The following DACH1 variants were observed in gnomAD, a reference collection of about 807,000 sequenced individuals.
The protein encoded by DACH1 is dachshund family transcription factor 1.
DACH1 carries 12 observed loss-of-function variants against 54.2 expected under a neutral mutation model. The observed-to-expected ratio is 0.22, with a 90% CI of 0.14 to 0.36. The LOEUF is 0.36. Among genes scored for constraint, DACH1 ranks in the 10% least tolerant of loss-of-function variants. The pLI, the probability that DACH1 is intolerant of heterozygous loss-of-function variation, is 1.00. For synonymous variants in DACH1, 386 were observed against 366.2 expected (o/e 1.05, Z -0.62); for missense variants, 805 against 929.8 (o/e 0.87, Z 1.75).
At chr13:71,550,826 T>C (rs1883765430) in intron 6 of DACH1, among the ~76,000 whole-genome samples, 1 of 152,046 alleles carries the variant, frequency 6.6e-6, no homozygotes, top group Non-Finnish European at 1.5e-5. Context: ...TTTCGAGGCA[T>C]GGAAACTGAG....
At chr13:71,496,261 G>GTATATATATATATA (rs35142229) in intron 6 of DACH1, among the ~76,000 whole-genome samples, 8 of 37,146 alleles carry the variant, frequency 2.2e-4, no homozygotes, top group African/African-American at 3.8e-4. Context: ...AAATTGCTAT[G>GTATATATATATATA]TATATATATA....
intron 1 of DACH1, among the ~76,000 whole-genome samples, chr13:71,733,509 T>C (rs1291503959): frequency 6.6e-6 from 1 of 152,146 alleles, no homozygotes; most frequent in Non-Finnish European, 1.5e-5. Context: ...TATTTATTCT[T>C]CGGACCCACT....
chr13:71,785,575 C>G (rs984809735), intron 1 of DACH1, among the ~76,000 whole-genome samples: 10 of 152,122 alleles, frequency 6.6e-5, no homozygotes, highest in Non-Finnish European at 1.3e-4. Context: ...ACTCTTGTAT[C>G]AAGGAGATGT....
intron 6 of DACH1, among the ~76,000 whole-genome samples, chr13:71,546,966 A>C (rs915361086): frequency 6.6e-6 from 1 of 152,040 alleles, no homozygotes; most frequent in Non-Finnish European, 1.5e-5. Context: ...CTCGCTCTAC[A>C]ATCTCTTCTT....
chr13:71,648,789 TA>T (rs879510040), intron 2 of DACH1, among the ~76,000 whole-genome samples: 3 of 152,046 alleles, frequency 2.0e-5, no homozygotes, highest in Non-Finnish European at 4.4e-5. Context: ...AAAGGTATGG[TA>T]TAGAGGTGTT....
intron 1 of DACH1, among the ~76,000 whole-genome samples, chr13:71,803,944 T>A (rs932688863): frequency 6.6e-6 from 1 of 152,126 alleles, no homozygotes; most frequent in African/African-American, 2.4e-5. Context: ...TAAACCACTA[T>A]GAAATATAAT....
intron 1 of DACH1, among the ~76,000 whole-genome samples, chr13:71,741,651 CTTA>C (rs1884393422): frequency 6.6e-6 from 1 of 151,958 alleles, no homozygotes; most frequent in African/African-American, 2.4e-5. Context: ...TAATTTAACT[CTTA>C]TTAACTTATT....
chr13:71,505,735 C>T (rs1880261411), intron 6 of DACH1, among the ~76,000 whole-genome samples: 1 of 152,092 alleles, frequency 6.6e-6, no homozygotes, highest in Admixed American at 6.6e-5. Context: ...TATTCCTTCT[C>T]ATATACTAAG....
At chr13:71,440,875 G>A (rs1873953132) in intron 10 of DACH1, among the ~76,000 whole-genome samples, 183 bp from the exon 11 acceptor site, 1 of 151,932 alleles carries the variant, frequency 6.6e-6, no homozygotes, top group East Asian at 1.9e-4. Flanking sequence ...GAGTTTATGT[G>A]ACTGAAAAGA....
chr13:71,475,079 C>T, intron 10 of DACH1, 62 bp downstream of exon 10: 1 of 1,482,910 alleles, frequency 6.7e-7, no homozygotes, highest in Non-Finnish European at 9.4e-7. Context: ...GAATAGCAGG[C>T]TAAAGCTGAG....
At chr13:71,844,837 G>A (rs1440188492) in intron 1 of DACH1, among the ~76,000 whole-genome samples, 1 of 152,070 alleles carries the variant, frequency 6.6e-6, no homozygotes, top group Non-Finnish European at 1.5e-5. Context: ...AGTACATTAT[G>A]TTAAATGTAG....
intron 3 of DACH1, 134 bp downstream of exon 3, chr13:71,630,422 T>A: frequency 7.4e-7 from 1 of 1,356,900 alleles, no homozygotes; most frequent in African/African-American, 1.5e-5. Flanking sequence ...AATGGTATCC[T>A]CAAACATACA....
At chr13:71,488,846 A>T in intron 7 of DACH1, 151 bp downstream of exon 7, 1 of 516,298 alleles carries the variant, frequency 1.9e-6, no homozygotes. Context: ...TGATTAGTGT[A>T]ACAGGTTTAA....
intron 1 of DACH1, among the ~76,000 whole-genome samples, chr13:71,794,527 C>T (rs1404821869): frequency 6.6e-6 from 1 of 152,172 alleles, no homozygotes; most frequent in Non-Finnish European, 1.5e-5. Flanking sequence ...CAACCTCCAC[C>T]TCCCGGGTTC....
intron 1 of DACH1, among the ~76,000 whole-genome samples, chr13:71,706,414 G>A (rs1386278303): frequency 6.6e-6 from 1 of 151,920 alleles, no homozygotes. Flanking sequence ...AACAAAGATA[G>A]CATATTTGCA....
At chr13:71,646,820 C>A (rs1002995491) in intron 2 of DACH1, among the ~76,000 whole-genome samples, 6 of 152,130 alleles carry the variant, frequency 3.9e-5, no homozygotes, top group African/African-American at 1.2e-4. Flanking sequence ...GCATTTGCAG[C>A]AATAAATACA....
At chr13:71,645,342 G>A (rs778508832) in intron 2 of DACH1, among the ~76,000 whole-genome samples, 2 of 152,308 alleles carry the variant, frequency 1.3e-5, no homozygotes, top group Non-Finnish European at 2.9e-5. Flanking sequence ...AGTTTAGAAT[G>A]TACATAAGTG....
At chr13:71,831,829 T>A (rs972628916) in intron 1 of DACH1, among the ~76,000 whole-genome samples, 2 of 151,974 alleles carry the variant, frequency 1.3e-5, no homozygotes, top group African/African-American at 4.8e-5. Context: ...ATCAAGAATT[T>A]TTTTTGCAAA....
At chr13:71,824,496 T>C (rs948210782) in intron 1 of DACH1, among the ~76,000 whole-genome samples, 2 of 151,866 alleles carry the variant, frequency 1.3e-5, no homozygotes, top group Non-Finnish European at 2.9e-5. Flanking sequence ...TGAGTAATAA[T>C]CACCCAGCAC....
Sources: allele counts gnomAD v4.1 joint callset (sites outside exome capture counted in the v4.1 genomes callset), GRCh38; gene constraint gnomAD v4.1.1; transcripts MANE v1.5; gene names NCBI Gene and HGNC (gene_info 2026-07-23, HGNC 2026-07-21).